The following COL13A1 variants were observed in gnomAD, a reference collection of about 807,000 sequenced individuals.
The protein encoded by COL13A1 is collagen alpha-1(XIII) chain.
Under a neutral mutation model 130.9 loss-of-function variants are expected in COL13A1, and 89 were observed. The observed-to-expected ratio is 0.68, with a 90% CI of 0.57 to 0.81. COL13A1 has a LOEUF of 0.81. Ranked by LOEUF, COL13A1 falls within the 30% of genes least tolerant of loss-of-function variation. The probability of loss-of-function intolerance (pLI) is 0.00; values close to 1 mark genes in which losing one functional copy is unlikely to be tolerated. For missense variants in COL13A1, 879 were observed against 934.6 expected (o/e 0.94, Z 0.78); for synonymous variants, 402 against 341.6 (o/e 1.18, Z -1.95).
chr10:69,843,086 G>A (rs1287130203), intron 2 of COL13A1, among the ~76,000 whole-genome samples: 2 of 152,188 alleles, frequency 1.3e-5, no homozygotes, highest in Admixed American at 6.5e-5. Flanking sequence ...GTGCTGGAGG[G>A]TGGGGGTTAT....
In COL13A1 at chr10:69,802,578, T is replaced by A. The variant is rs749623979; in HGVS notation, c.155T>A (p.Leu52His). The A allele has an allele frequency of 6.2e-7, 1 of 1,611,514 alleles. No homozygotes were observed. Among genetic ancestry groups the A allele is most frequent in the South Asian group, 1.1e-5 (1 of 90,946 alleles). Residue 52 changes from leucine (L) to histidine (H), a missense_variant, in exon 1 of 41, where the codon CTC becomes CAC. Transcript: ENST00000645393. ...PGSCGLLTLA[L>H]CSLALSLLAH... ...TCGTGCGGGCTGCTGACGCTGGCCC[T>A]CTGCTCGCTGGCACTCAGCCTGCTC...
chr10:69,905,055 A>T, intron 16 of COL13A1, 96 bp downstream of exon 16: 1 of 1,377,116 alleles, frequency 7.3e-7, no homozygotes, highest in Non-Finnish European at 1.0e-6. Flanking sequence ...GCAGGAGCAG[A>T]GAGGGATCTC....
chr10:69,881,896 G>A (rs1227786), intron 7 of COL13A1, among the ~76,000 whole-genome samples: 30,718 of 152,226 alleles, frequency 0.2, 3,561 homozygotes, highest in Non-Finnish European at 0.26. Flanking sequence ...GGGCTGGCAC[G>A]TGGCTACACT....
At chr10:69,929,957 G>A in intron 28 of COL13A1, 86 bp from the exon 29 acceptor site, 1 of 1,094,064 alleles carries the variant, frequency 9.1e-7, no homozygotes, top group Non-Finnish European at 1.4e-6. Flanking sequence ...AGTGTGGAGT[G>A]GGATGCCGGG....
rs774601864 is a variant in COL13A1 at position 69,880,491 on chromosome 10, C to G, written c.463-12C>G. The G allele has an allele frequency of 1.9e-6, 3 of 1,575,394 alleles. No individual in the cohort carries two copies. In the Admixed American group the frequency reaches 5.0e-5, roughly 26 times the overall value. On this transcript the variant is annotated splice_polypyrimidine_tract_variant and intron_variant, in intron 6 of 40. Coordinates refer to ENST00000645393, the MANE Select transcript of COL13A1 (RefSeq NM_001368882.1). ...CCCCTCGCTCCCTCTCCCCCTTCCTCTCTCCCCGCAGGGGTCCCCCGGAGA... is the reference window on the plus strand; with the variant it reads ...CCCCTCGCTCCCTCTCCCCCTTCCTGTCTCCCCGCAGGGGTCCCCCGGAGA...
intron 17 of COL13A1, among the ~76,000 whole-genome samples, chr10:69,906,450 C>T (rs1442803953): frequency 1.3e-5 from 2 of 152,110 alleles, no homozygotes; most frequent in East Asian, 1.9e-4. Flanking sequence ...TGGCTGTGGG[C>T]TGGGGGGCCC....
Position 69,818,790 on chromosome 10 carries a change from A to G in COL13A1, c.295-3579A>G, listed in dbSNP as rs545356213. ...TCCCTTCCTCTACCTTGTTCTACTC[A>G]GGCCCTCAACAGATCAGATAATGCC... On this transcript the variant is annotated intron_variant, in intron 1 of 40. Coordinates refer to ENST00000645393, the MANE Select transcript of COL13A1 (RefSeq NM_001368882.1). Among the ~76,000 whole-genome samples, 12 of 152,360 alleles carry G rather than the reference A, an allele frequency of 7.9e-5. No individual in the cohort carries two copies. The East Asian group carries it at 2.1e-3, about 27-fold the overall frequency.
intron 15 of COL13A1, among the ~76,000 whole-genome samples, chr10:69,904,190 T>C (rs941213025): frequency 2.6e-5 from 4 of 152,136 alleles, no homozygotes; most frequent in African/African-American, 4.8e-5. Flanking sequence ...CCAAATTCAC[T>C]TTTTGCTGAC....
At chr10:69,919,450 G>C (rs1172814958) in intron 20 of COL13A1, among the ~76,000 whole-genome samples, 1 of 152,232 alleles carries the variant, frequency 6.6e-6, no homozygotes, top group Non-Finnish European at 1.5e-5. Flanking sequence ...GACCTTCTCA[G>C]AACCTTTAAT....
chr10:69,882,514 T>C (rs2060239919), intron 7 of COL13A1, among the ~76,000 whole-genome samples: 5 of 152,160 alleles, frequency 3.3e-5, no homozygotes, highest in Admixed American at 1.3e-4. Flanking sequence ...ACCTGTCACA[T>C]AATAGGTCTC....
chr10:69,824,391 T>A (rs897161227), intron 2 of COL13A1, among the ~76,000 whole-genome samples: 2 of 152,228 alleles, frequency 1.3e-5, no homozygotes, highest in African/African-American at 2.4e-5. Flanking sequence ...AGCACATCAG[T>A]TGTCTGATGG....
intron 2 of COL13A1, among the ~76,000 whole-genome samples, chr10:69,831,178 G>T (rs2132927202): frequency 6.6e-6 from 1 of 152,296 alleles, no homozygotes; most frequent in South Asian, 2.1e-4. Context: ...CTAATTGGCG[G>T]TCTTTACCAG....
chr10:69,928,362 C>A (rs528451952), intron 27 of COL13A1, among the ~76,000 whole-genome samples: 1 of 152,306 alleles, frequency 6.6e-6, no homozygotes, highest in African/African-American at 2.4e-5. Flanking sequence ...GAGACACTCC[C>A]AGCCCCAGGC....
At chr10:69,881,549 T>C (rs768135617) in intron 7 of COL13A1, among the ~76,000 whole-genome samples, 2 of 152,068 alleles carry the variant, frequency 1.3e-5, no homozygotes, top group Non-Finnish European at 2.9e-5. Flanking sequence ...CGAGGGGTTG[T>C]GGCGAGTGCA....
intron 1 of COL13A1, among the ~76,000 whole-genome samples, chr10:69,802,923 ACT>A (rs1322193803): frequency 5.9e-5 from 9 of 151,926 alleles, no homozygotes; most frequent in Admixed American, 5.2e-4. Flanking sequence ...TGACCCAGCG[ACT>A]CCCGCCTCGG....
chr10:69,923,900 T>C, intron 24 of COL13A1, 45 bp downstream of exon 24: 1 of 1,595,358 alleles, frequency 6.3e-7, no homozygotes, highest in Non-Finnish European at 8.5e-7. Flanking sequence ...GAGGGTCAGC[T>C]TGGGAGGTCA....
chr10:69,839,587 G>A (rs916404373), intron 2 of COL13A1, among the ~76,000 whole-genome samples: 2 of 152,236 alleles, frequency 1.3e-5, no homozygotes, highest in Non-Finnish European at 2.9e-5. Flanking sequence ...AGCATGAGAA[G>A]TGCTGTGCCT....
At chr10:69,925,595 A>C (rs1371915633) in intron 25 of COL13A1, among the ~76,000 whole-genome samples, 1 of 152,224 alleles carries the variant, frequency 6.6e-6, no homozygotes, top group Non-Finnish European at 1.5e-5. Context: ...GGCCTAGCCC[A>C]GACTTCTCAC....
intron 10 of COL13A1, among the ~76,000 whole-genome samples, chr10:69,889,861 C>T (rs919476666): frequency 7.9e-5 from 12 of 152,222 alleles, no homozygotes; most frequent in African/African-American, 2.4e-4. Context: ...TGGCTGTGCC[C>T]TGAGCCACCC....
Sources: allele counts gnomAD v4.1 joint callset (sites outside exome capture counted in the v4.1 genomes callset), GRCh38; gene constraint gnomAD v4.1.1; transcripts MANE v1.5; gene names NCBI Gene and HGNC (gene_info 2026-07-23, HGNC 2026-07-21).